The following PDE7B variants were observed in gnomAD, a reference collection of about 807,000 sequenced individuals.
The protein encoded by PDE7B is phosphodiesterase 7B, also known as 3',5'-cyclic-AMP phosphodiesterase 7B.
A neutral mutation model predicts 56.2 loss-of-function variants in PDE7B; 29 were observed. The ratio of observed to expected loss-of-function variants is 0.52; its 90% CI spans 0.38 to 0.70. The LOEUF is 0.70. Ranked by LOEUF, PDE7B falls within the 30% of genes least tolerant of loss-of-function variation. The pLI, the probability that PDE7B is intolerant of heterozygous loss-of-function variation, is 0.00. For synonymous variants in PDE7B, 197 were observed against 196.9 expected, an observed-to-expected ratio of 1.00 and a Z score of 0.00; for missense variants, 490 against 565.0, an observed-to-expected ratio of 0.87 and a Z score of 1.35.
chr6:136,185,875 A>G (rs966648914), intron 11 of PDE7B, among the ~76,000 whole-genome samples: 1 of 152,206 alleles, frequency 6.6e-6, no homozygotes, highest in African/African-American at 2.4e-5. Flanking sequence ...CTACTTTAGC[A>G]GAGTAGATTC....
intron 1 of PDE7B, among the ~76,000 whole-genome samples, chr6:135,903,685 T>G (rs1380124832): frequency 6.6e-6 from 1 of 152,184 alleles, no homozygotes; most frequent in Non-Finnish European, 1.5e-5. Flanking sequence ...GCACACACAT[T>G]AGAATTAAAA....
Position 136,192,109 on chromosome 6 carries a change from G to A in PDE7B, c.*269G>A, listed in dbSNP as rs930506723. On this transcript the variant is annotated 3_prime_UTR_variant, in exon 13 of 13. Coordinates refer to ENST00000308191, the MANE Select transcript of PDE7B (RefSeq NM_018945.4). ...CACGGGCAGGCTCTCCCTGCTCCAG[G>A]AGAAGACTAGGAGGAAGAATGAGGT... 2.1e-6 allele frequency: 1 copy of A among 486,068 alleles called. No individual in the cohort carries two copies. The highest frequency in any genetic ancestry group is 3.8e-6 in the Non-Finnish European group (1 of 265,750). 30.1% of individuals were successfully genotyped at this position (486,068 alleles called of 1,614,324 possible).
intron 1 of PDE7B, among the ~76,000 whole-genome samples, chr6:135,890,892 T>C (rs906323816): frequency 2.6e-5 from 4 of 152,152 alleles, no homozygotes; most frequent in African/African-American, 9.7e-5. Context: ...CTACTAAAAG[T>C]TGAAGTGTTT....
At chr6:135,914,218 CA>C (rs1776257851) in intron 1 of PDE7B, among the ~76,000 whole-genome samples, 1 of 152,104 alleles carries the variant, frequency 6.6e-6, no homozygotes, top group Admixed American at 6.6e-5. Flanking sequence ...TTTTCATTGA[CA>C]TATAATTTAT....
chr6:135,951,964 A>G (rs1016254558), intron 2 of PDE7B, among the ~76,000 whole-genome samples: 1 of 152,320 alleles, frequency 6.6e-6, no homozygotes, highest in Middle Eastern at 3.4e-3. Flanking sequence ...ATTAACACTC[A>G]ACATAGGCAT....
intron 1 of PDE7B, among the ~76,000 whole-genome samples, chr6:135,859,352 C>G (rs1178190773): frequency 6.6e-6 from 1 of 152,100 alleles, no homozygotes; most frequent in Non-Finnish European, 1.5e-5. Flanking sequence ...TTTTTAGCTT[C>G]ATTCGGAAAA....
intron 4 of PDE7B, 69 bp downstream of exon 4, chr6:136,147,571 T>A: frequency 7.3e-7 from 1 of 1,364,006 alleles, no homozygotes; most frequent in Non-Finnish European, 1.0e-6. Context: ...CTGATAGCAC[T>A]GGTGTTGGAG....
intron 1 of PDE7B, among the ~76,000 whole-genome samples, chr6:135,895,181 G>C (rs1775876789): frequency 6.6e-6 from 1 of 152,018 alleles, no homozygotes; most frequent in South Asian, 2.1e-4. Flanking sequence ...ATTGCCCATT[G>C]GCTTTTAGAA....
intron 2 of PDE7B, among the ~76,000 whole-genome samples, chr6:136,106,499 G>A (rs968434165): frequency 2.0e-5 from 3 of 152,158 alleles, no homozygotes; most frequent in Admixed American, 1.3e-4. Flanking sequence ...ACTATAAGCT[G>A]AAAGCACCAT....
intron 2 of PDE7B, among the ~76,000 whole-genome samples, chr6:136,053,545 A>G (rs1032318874): frequency 6.6e-6 from 1 of 152,190 alleles, no homozygotes; most frequent in Non-Finnish European, 1.5e-5. Context: ...TTAGAGCAGC[A>G]TGATTTATAA....
intron 1 of PDE7B, among the ~76,000 whole-genome samples, chr6:135,913,348 G>A (rs1030706769): frequency 6.6e-6 from 1 of 152,140 alleles, no homozygotes; most frequent in African/African-American, 2.4e-5. Flanking sequence ...CCAGCCTGGT[G>A]CTGCCACCTC....
At chr6:135,924,995 T>TG (rs1427727044) in intron 1 of PDE7B, among the ~76,000 whole-genome samples, 2 of 113,428 alleles carry the variant, frequency 1.8e-5, no homozygotes, top group Non-Finnish European at 3.5e-5. Flanking sequence ...TATATTTGGG[T>TG]GTTTTTTTTT....
At chr6:136,140,932 CTT>C (rs1197130832) in intron 3 of PDE7B, among the ~76,000 whole-genome samples, 1 of 151,906 alleles carries the variant, frequency 6.6e-6, no homozygotes, top group African/African-American at 2.4e-5. Flanking sequence ...TTGACTTCCT[CTT>C]TTCCTGATTG....
At chr6:135,916,422 T>C (rs1773947418) in intron 1 of PDE7B, among the ~76,000 whole-genome samples, 1 of 127,908 alleles carries the variant, frequency 7.8e-6, no homozygotes, top group Non-Finnish European at 1.6e-5. Context: ...AGATGGAGTT[T>C]TGCTCTGTTG....
intron 1 of PDE7B, among the ~76,000 whole-genome samples, chr6:135,938,253 G>A (rs1173914225): frequency 6.6e-6 from 1 of 152,186 alleles, no homozygotes; most frequent in Non-Finnish European, 1.5e-5. Context: ...CTGTATATAA[G>A]TGAAATGTGT....
At chr6:135,953,224 A>C (rs1041573428) in intron 2 of PDE7B, among the ~76,000 whole-genome samples, 1 of 130,746 alleles carries the variant, frequency 7.6e-6, no homozygotes, top group Non-Finnish European at 1.7e-5. Context: ...TTTTATATCT[A>C]TATTTTGCTC....
intron 2 of PDE7B, among the ~76,000 whole-genome samples, chr6:136,016,820 T>G (rs1775986348): frequency 6.6e-6 from 1 of 152,230 alleles, no homozygotes; most frequent in African/African-American, 2.4e-5. Context: ...TTCTCTTAGA[T>G]ACACCTAATT....
intron 3 of PDE7B, among the ~76,000 whole-genome samples, chr6:136,130,356 C>T (rs1778096588): frequency 6.6e-6 from 1 of 152,100 alleles, no homozygotes; most frequent in Non-Finnish European, 1.5e-5. Flanking sequence ...ACTGCTCTGT[C>T]TCCTCACCTC....
At chr6:135,956,332 G>A (rs1170047820) in intron 2 of PDE7B, among the ~76,000 whole-genome samples, 1 of 152,174 alleles carries the variant, frequency 6.6e-6, no homozygotes, top group Non-Finnish European at 1.5e-5. Context: ...GTAAAATACT[G>A]TAGAGGTCAA....
Sources: allele counts gnomAD v4.1 joint callset (sites outside exome capture counted in the v4.1 genomes callset), GRCh38; gene constraint gnomAD v4.1.1; transcripts MANE v1.5; gene names NCBI Gene and HGNC (gene_info 2026-07-23, HGNC 2026-07-21).